DCTD: variants seen among roughly 807,000 people sequenced by gnomAD.
DCTD encodes the protein dCMP deaminase.
A neutral mutation model predicts 21.0 loss-of-function variants in DCTD; 23 were observed. The observed-to-expected ratio is 1.09, with a 90% CI of 0.79 to 1.55. The LOEUF is 1.55. DCTD is among the 40% of genes most tolerant of loss of function. The pLI is 0.00. For synonymous variants in DCTD, 71 were observed against 81.1 expected (o/e 0.88, Z 0.67); for missense variants, 224 against 230.0 (o/e 0.97, Z 0.17).
chr4:182,908,951 G>A (rs1398415243), intron 3 of DCTD, among the ~76,000 whole-genome samples: 2 of 152,180 alleles, frequency 1.3e-5, no homozygotes, highest in East Asian at 3.9e-4. Context: ...AAACTTCTAC[G>A]AGGTGAACTG....
chr4:182,915,553 A>G lies in DCTD; in HGVS notation c.16T>C (p.Cys6Arg). Residue 6 changes from cysteine to arginine, a missense_variant, in exon 2 of 6, where the codon TGC (cysteine) becomes CGC (arginine). Transcript: ENST00000438320. Reference protein sequence around the residue: MSEVSCKKRDDYLEWP... With the variant: MSEVSRKKRDDYLEWP... Reference sequence around the variant, plus strand: ...TCCAAATAGTCGTCCCGTTTCTTGCAGGAAACTTCACTCATGTTGGGTCTA... The same window carrying G: ...TCCAAATAGTCGTCCCGTTTCTTGCGGGAAACTTCACTCATGTTGGGTCTA... 2 of 1,612,254 alleles carry G rather than the reference A, an allele frequency of 1.2e-6. No homozygotes were observed. The highest frequency in any genetic ancestry group is 1.7e-5 in the Admixed American group (1 of 60,030).
Position 182,890,133 on chromosome 4 carries a change from G to GT in DCTD, c.*1265dup, listed in dbSNP as rs1220230902. The GT allele has an allele frequency of 5.3e-5, 8 of 152,086 alleles. No individual in the cohort carries two copies. The highest frequency in any genetic ancestry group is 1.2e-4 in the Non-Finnish European group (8 of 68,028). The allele number at this position is 152,086 out of a possible 1,614,324, so 9.4% of individuals were successfully genotyped here. ...TTTTAATAAGATTTTAATAATATTGGTAAGGAGCCAAATTACAGAATACCC... is the reference window on the plus strand; with the variant it reads ...TTTTAATAAGATTTTAATAATATTGGTTAAGGAGCCAAATTACAGAATACCC... On this transcript the variant is annotated 3_prime_UTR_variant, in exon 6 of 6. Coordinates refer to ENST00000438320, the MANE Select transcript of DCTD (RefSeq NM_001921.3).
At chr4:182,902,012 CACTT>C (rs779845716) in intron 3 of DCTD, among the ~76,000 whole-genome samples, 4 of 152,138 alleles carry the variant, frequency 2.6e-5, no homozygotes, top group African/African-American at 7.2e-5. Flanking sequence ...ATGGGGTACA[CACTT>C]ACTCCTCTAA....
chr4:182,917,339 G>T lies in DCTD; in HGVS notation c.-36C>A. 1 of 1,092,998 alleles carries T rather than the reference G, an allele frequency of 9.1e-7. No homozygotes were observed. The highest frequency in any genetic ancestry group is 4.3e-5 in the South Asian group (1 of 23,076). The allele number at this position is 1,092,998 out of a possible 1,614,324, so 67.7% of individuals were successfully genotyped here. ...CCGGTGCCGGCTCCGCGCGCAGGCC[G>T]GTGCTCGTCCCCGCCGCCGCCGTGC... On this transcript the variant is annotated 5_prime_UTR_variant, in exon 1 of 6. Transcript: ENST00000438320. The surrounding 1 kb of genome is among the most constrained non-coding windows in gnomAD (Gnocchi z 4.9).
At chr4:182,913,253 T>A (rs1738040705) in intron 3 of DCTD, among the ~76,000 whole-genome samples, 1 of 152,182 alleles carries the variant, frequency 6.6e-6, no homozygotes, top group Admixed American at 6.5e-5. Flanking sequence ...GAGAAGACAG[T>A]CTTACCCTCC....
chr4:182,895,194 T>C (rs1395458199), intron 3 of DCTD, among the ~76,000 whole-genome samples: 4 of 152,242 alleles, frequency 2.6e-5, no homozygotes, highest in African/African-American at 9.6e-5. Context: ...AACTCAGCCT[T>C]CCAAGTAGCT....
rs755963936 is a variant in DCTD at position 182,893,096 on chromosome 4, T to C, written c.393A>G (p.Lys131=). ...CAGTTGCCTCGTCACTATCATGGTA[T>C]TTATCAGACATGAAAATCACTTCTT... ...GIKEVIFMSD[K]YHDSDEATAA... is the part of the protein sequence containing the mutation. The change falls in exon 5 of 6, where the codon AAA becomes AAG. Residue 131 remains lysine (K), a synonymous_variant. Coordinates refer to ENST00000438320, the MANE Select transcript of DCTD (RefSeq NM_001921.3). 36 of 1,611,146 alleles carry C rather than the reference T, an allele frequency of 2.2e-5. No homozygotes were observed. Among genetic ancestry groups the C allele is most frequent in the Non-Finnish European group, 2.7e-5 (32 of 1,178,184 alleles).
Position 182,916,616 on chromosome 4 carries a change from G to A in DCTD, c.-8+695C>T, listed in dbSNP as rs189000919. ...TGATTACGCTGCCCCACATCTGAGAGGCCTGGCAACCCCCCTAACAGGAAA... is the reference window on the plus strand; with the variant it reads ...TGATTACGCTGCCCCACATCTGAGAAGCCTGGCAACCCCCCTAACAGGAAA... On this transcript the variant is annotated intron_variant, in intron 1 of 5. Transcript: ENST00000438320. The A allele has an allele frequency of 8.1e-5, 81 of 997,004 alleles. No homozygotes were observed. The East Asian group carries it at 5.4e-3, about 67-fold the overall frequency. The allele number at this position is 997,004 out of a possible 1,614,324, so 61.8% of individuals were successfully genotyped here.
chr4:182,892,542 C>A (rs1422375078), intron 5 of DCTD, among the ~76,000 whole-genome samples: 4 of 151,924 alleles, frequency 2.6e-5, no homozygotes, highest in Non-Finnish European at 5.9e-5. Context: ...GGCAGGAGAA[C>A]CGCTTGAACC....
intron 3 of DCTD, among the ~76,000 whole-genome samples, chr4:182,906,792 T>G (rs971398391): frequency 6.6e-6 from 1 of 152,246 alleles, no homozygotes; most frequent in Non-Finnish European, 1.5e-5. Context: ...TCATATTCAA[T>G]ATTTTAAATT....
chr4:182,905,135 C>G (rs1433828743), intron 3 of DCTD, among the ~76,000 whole-genome samples: 1 of 152,116 alleles, frequency 6.6e-6, no homozygotes, highest in Non-Finnish European at 1.5e-5. Flanking sequence ...AAAGCTGTCC[C>G]CATTGTCTCA....
Position 182,894,526 on chromosome 4 carries a change from G to C in DCTD, c.324C>G (p.Phe108Leu), listed in dbSNP as rs780062742. 50 of 1,613,792 alleles carry C rather than the reference G, an allele frequency of 3.1e-5. No homozygotes were observed. Among genetic ancestry groups the C allele is most frequent in the South Asian group, 6.6e-5 (6 of 91,072 alleles). ...VKGCSMYVAL[F>L]PCNECAKLII... ...TGAGCTTAGCGCATTCATTACAAGG[G>C]AACAAGGCAACATACATACTACAGC... is the stretch of plus-strand genomic sequence containing the variant. The change falls in exon 4 of 6, where the codon TTC becomes TTG. Residue 108 changes from phenylalanine to leucine, a missense_variant. By Grantham distance (22) the Phe-to-Leu change is conservative. Coordinates refer to ENST00000438320, the MANE Select transcript of DCTD (RefSeq NM_001921.3).
chr4:182,915,902 G>C, intron 1 of DCTD: 1 of 1,103,846 alleles, frequency 9.1e-7, no homozygotes, highest in East Asian at 6.4e-5. Context: ...ACAAAGCGGA[G>C]TCAGCACAGG....
At chr4:182,902,582 G>A (rs541187642) in intron 3 of DCTD, among the ~76,000 whole-genome samples, 1 of 152,324 alleles carries the variant, frequency 6.6e-6, no homozygotes, top group Admixed American at 6.5e-5. Context: ...CTCAGACAGA[G>A]CCCTGTCCCC....
Position 182,899,048 on chromosome 4 carries a change from G to A in DCTD, c.245-4443C>T, listed in dbSNP as rs1422268825. ...GGTCACCATATATCTGCCAATTTCC[G>A]TGGTGTAGACATTTTTTCACACAGC... On this transcript the variant is annotated intron_variant, in intron 3 of 5. Transcript: ENST00000438320. Among the ~76,000 whole-genome samples, 3 of 152,278 alleles carry A rather than the reference G, an allele frequency of 2.0e-5. No individual in the cohort carries two copies. In the East Asian group the frequency reaches 5.8e-4, roughly 29 times the overall value.
At chr4:182,915,831 C>A (rs1461274843) in intron 1 of DCTD, 2 of 1,175,856 alleles carry the variant, frequency 1.7e-6, no homozygotes, top group Non-Finnish European at 1.1e-6. Flanking sequence ...CTATTTACTG[C>A]TTTCTCATAG....
intron 3 of DCTD, among the ~76,000 whole-genome samples, chr4:182,913,444 G>A (rs13143535): frequency 0.063 from 9,526 of 152,270 alleles, 358 homozygotes; most frequent in South Asian, 0.1. Context: ...CAAACATGGA[G>A]AAGTTGCCCC....
intron 3 of DCTD, among the ~76,000 whole-genome samples, chr4:182,903,503 G>A (rs534969829): frequency 6.6e-6 from 1 of 152,328 alleles, no homozygotes; most frequent in South Asian, 2.1e-4. Flanking sequence ...CCCGCCGCAT[G>A]CGTGGAAAAT....
intron 3 of DCTD, among the ~76,000 whole-genome samples, chr4:182,899,870 A>G (rs966361136): frequency 1.3e-5 from 2 of 152,092 alleles, no homozygotes; most frequent in African/African-American, 4.8e-5. Context: ...AATATCTCTT[A>G]TCCAAAATGC....
Sources: gnomAD v4.1 joint callset for allele counts (sites outside exome capture counted in the v4.1 genomes callset) on GRCh38, gnomAD v4.1.1 for gene constraint, Gnocchi (gnomAD v3.1) non-coding constraint, MANE v1.5 for transcripts, NCBI Gene and HGNC (gene_info 2026-07-23, HGNC 2026-07-21) for gene names.